KATNIP: variants seen among roughly 807,000 people sequenced by gnomAD.
KATNIP encodes the protein katanin-interacting protein.
A neutral mutation model predicts 174.0 loss-of-function variants in KATNIP; 126 were observed. The ratio of observed to expected loss-of-function variants is 0.72; its 90% CI spans 0.63 to 0.84. The LOEUF is 0.84. KATNIP is among the 40% of genes least tolerant of loss of function. KATNIP has a pLI of 0.00. For synonymous variants in KATNIP, 810 were observed against 835.7 expected (o/e 0.97, Z 0.53); for missense variants, 1,958 against 2,109.7 (o/e 0.93, Z 1.41).
intron 6 of KATNIP, among the ~76,000 whole-genome samples, chr16:27,649,312 T>C (rs969415345): frequency 6.6e-6 from 1 of 152,172 alleles, no homozygotes; most frequent in Non-Finnish European, 1.5e-5. Context: ...CAACAGGACA[T>C]TTTACTCCCC....
At chr16:27,763,204 C>T (rs1420381119) in intron 19 of KATNIP, among the ~76,000 whole-genome samples, 5 of 150,612 alleles carry the variant, frequency 3.3e-5, no homozygotes, top group African/African-American at 1.2e-4. Flanking sequence ...GGTCCCAGCT[C>T]CTTGGGAGGC....
intron 17 of KATNIP, among the ~76,000 whole-genome samples, chr16:27,753,926 C>T (rs1409254696): frequency 6.6e-6 from 1 of 152,060 alleles, no homozygotes; most frequent in East Asian, 1.9e-4. Context: ...AACACCTTAG[C>T]TGTTAGCATC....
chr16:27,705,615 G>A (rs1023252499), intron 12 of KATNIP, among the ~76,000 whole-genome samples: 1 of 152,100 alleles, frequency 6.6e-6, no homozygotes, highest in Non-Finnish European at 1.5e-5. Context: ...CAAGTTCACC[G>A]AGAAAAATCA....
intron 2 of KATNIP, among the ~76,000 whole-genome samples, chr16:27,580,897 A>G (rs1240608113): frequency 6.6e-6 from 1 of 152,002 alleles, no homozygotes; most frequent in Non-Finnish European, 1.5e-5. Flanking sequence ...TCCTATAAGG[A>G]CCTGGAAAAG....
At chr16:27,657,504 G>A (rs1486453029) in intron 6 of KATNIP, among the ~76,000 whole-genome samples, 1 of 151,952 alleles carries the variant, frequency 6.6e-6, no homozygotes. Flanking sequence ...GAGGCGGGTG[G>A]ATCACCAAGG....
chr16:27,772,094 T>A (rs1007493475), intron 22 of KATNIP, among the ~76,000 whole-genome samples: 4 of 151,968 alleles, frequency 2.6e-5, no homozygotes, highest in African/African-American at 9.7e-5. Flanking sequence ...CTGGGCAACA[T>A]AATGAGACTC....
intron 12 of KATNIP, among the ~76,000 whole-genome samples, chr16:27,704,824 A>C (rs756726268): frequency 6.6e-6 from 1 of 152,056 alleles, no homozygotes; most frequent in Non-Finnish European, 1.5e-5. Context: ...TGATGGAGCT[A>C]GGACACAAAA....
At chr16:27,555,536 T>C (rs926176403) in intron 1 of KATNIP, among the ~76,000 whole-genome samples, 9 of 152,138 alleles carry the variant, frequency 5.9e-5, no homozygotes, top group African/African-American at 2.2e-4. Context: ...AAGTCTGGCA[T>C]ATAAAAAAAT....
chr16:27,652,334 C>T (rs944883489), intron 6 of KATNIP, among the ~76,000 whole-genome samples: 3 of 152,028 alleles, frequency 2.0e-5, no homozygotes, highest in Non-Finnish European at 4.4e-5. Flanking sequence ...TTGCATGGGG[C>T]TTGAGGGCAG....
chr16:27,726,590 TG>T (rs1212284093), intron 14 of KATNIP, among the ~76,000 whole-genome samples: 5 of 152,120 alleles, frequency 3.3e-5, no homozygotes, highest in African/African-American at 9.7e-5. Context: ...TCCCCTCTGT[TG>T]GGGAAGGGAC....
chr16:27,618,462 A>C lies in KATNIP; in HGVS notation c.101A>C (p.Lys34Thr), dbSNP rs752260802. 6.2e-7 allele frequency: 1 copy of C among 1,613,814 alleles called. No homozygotes were observed. Among genetic ancestry groups the C allele is most frequent in the Non-Finnish European group, 8.5e-7 (1 of 1,179,698 alleles). ...GACATGGTGACAGACTTTGATGAGA[A>C]ACATGATGAGTATTTAATATTGCTT... ...AKDMVTDFDEKHDEYLILLQQ... is the reference protein window; with the variant it reads ...AKDMVTDFDETHDEYLILLQQ... The change falls in exon 3 of 28, where the codon AAA becomes ACA. Residue 34 changes from lysine (K) to threonine (T), a missense_variant. By Grantham distance (78) the Lys-to-Thr change is moderately conservative. Around this residue, in one of 3 missense-constraint regions of KATNIP, gnomAD observed 1,557 missense variants for 1,617.8 expected, o/e 0.96. Coordinates refer to ENST00000261588, the MANE Select transcript of KATNIP (RefSeq NM_015202.5).
intron 20 of KATNIP, among the ~76,000 whole-genome samples, chr16:27,769,409 G>A (rs1249420129): frequency 6.6e-6 from 1 of 152,238 alleles, no homozygotes; most frequent in Non-Finnish European, 1.5e-5. Context: ...TATACAGTTT[G>A]TGCCAGGCTC....
At chr16:27,775,904 A>AC (rs939190537) in intron 24 of KATNIP, among the ~76,000 whole-genome samples, 14 of 149,704 alleles carry the variant, frequency 9.4e-5, no homozygotes, top group African/African-American at 1.7e-4. Context: ...CTAAAATTAG[A>AC]CCCCCCCTAT....
chr16:27,774,026 A>G (rs1490152652), intron 23 of KATNIP, among the ~76,000 whole-genome samples: 2 of 152,194 alleles, frequency 1.3e-5, no homozygotes, highest in Non-Finnish European at 2.9e-5. Flanking sequence ...GTGAGTGTCC[A>G]GACACCAGCT....
chr16:27,644,588 C>T (rs2076904695), intron 5 of KATNIP: 2 of 152,248 alleles, frequency 1.3e-5, no homozygotes, highest in Non-Finnish European at 2.9e-5. Context: ...TCACTGCAGC[C>T]TCGAACTCCT....
intron 18 of KATNIP, among the ~76,000 whole-genome samples, chr16:27,759,266 A>C (rs1404842129): frequency 1.3e-5 from 2 of 152,208 alleles, no homozygotes; most frequent in Non-Finnish European, 2.9e-5. Flanking sequence ...CTCGATTGTC[A>C]GGAAGCATTC....
Position 27,683,716 on chromosome 16 carries a change from C to G in KATNIP, c.940+2186C>G, listed in dbSNP as rs771237374. ...AGAGAGAGGAGAAGGAGGTATGGGG[C>G]GAGATAAAGGCCTGAGTCTGCTTTC... On this transcript the variant is annotated intron_variant, in intron 8 of 27. Transcript: ENST00000261588. 2.0e-5 allele frequency among the ~76,000 whole-genome samples: 3 copies of G among 151,984 alleles called. No individual in the cohort carries two copies. In the East Asian group the frequency reaches 5.8e-4, roughly 29 times the overall value.
At chr16:27,622,336 CTG>C (rs1436739174) in intron 3 of KATNIP, among the ~76,000 whole-genome samples, 1 of 152,112 alleles carries the variant, frequency 6.6e-6, no homozygotes, top group Admixed American at 6.5e-5. Flanking sequence ...GGGACAGAGT[CTG>C]GAGATGTGAC....
At chr16:27,766,097 T>C (rs1173214516) in intron 19 of KATNIP, among the ~76,000 whole-genome samples, 2 of 152,026 alleles carry the variant, frequency 1.3e-5, no homozygotes, top group African/African-American at 4.8e-5. Context: ...ATAGCCTTTT[T>C]TTTTTCTTTT....
Sources: gnomAD v4.1 joint callset for allele counts (sites outside exome capture counted in the v4.1 genomes callset) on GRCh38, gnomAD v4.1.1 for gene constraint, gnomAD v4.1.1 regional missense constraint, MANE v1.5 for transcripts, NCBI Gene and HGNC (gene_info 2026-07-23, HGNC 2026-07-21) for gene names.